Variants in DNAH3 observed in about 807,000 individuals in gnomAD.
DNAH3 encodes the protein dynein axonemal heavy chain 3.
In DNAH3, 332 loss-of-function variants were observed where a neutral mutation model predicts 432.5. The ratio of observed to expected loss-of-function variants is 0.77; its 90% CI spans 0.70 to 0.84. DNAH3 has a LOEUF of 0.84. Among genes scored for constraint, DNAH3 ranks in the 40% least tolerant of loss-of-function variants. DNAH3 has a pLI of 0.00. For missense variants in DNAH3, 4,861 were observed against 5,114.0 expected (o/e 0.95, Z 1.51); for synonymous variants, 1,956 against 1,900.2 (o/e 1.03, Z -0.76).
At chr16:21,084,944 C>G (rs2091313317) in intron 19 of DNAH3, among the ~76,000 whole-genome samples, 1 of 152,112 alleles carries the variant, frequency 6.6e-6, no homozygotes, top group Admixed American at 6.6e-5. Context: ...GCCACCTGTC[C>G]CACCTAAGCT....
chr16:21,074,787 C>T (rs893721808), intron 21 of DNAH3, among the ~76,000 whole-genome samples: 2 of 152,098 alleles, frequency 1.3e-5, no homozygotes, highest in East Asian at 1.9e-4. Flanking sequence ...TGATTTACAG[C>T]TCCCCAAGAG....
chr16:20,965,799 G>C (rs970079575), intron 52 of DNAH3, among the ~76,000 whole-genome samples: 9 of 151,978 alleles, frequency 5.9e-5, no homozygotes, highest in Non-Finnish European at 1.2e-4. Flanking sequence ...TGCAACCTTC[G>C]CCTCCTGGGT....
intron 61 of DNAH3, 23 bp downstream of exon 61, chr16:20,935,325 A>T (rs200873232): frequency 6.2e-7 from 1 of 1,613,546 alleles, no homozygotes; most frequent in Non-Finnish European, 8.5e-7. Context: ...CCCTTGAGTG[A>T]GCCTAACCCA....
In DNAH3 at chr16:21,040,366, T is replaced by C. The variant is rs1418158168; in HGVS notation, c.4639-423A>G. On this transcript the variant is annotated intron_variant, in intron 32 of 61. Transcript: ENST00000261383. ...ATCCCAAAGCCAGACAGATTTTTTT[T>C]TTTTTTTTTTTTTTTTTTTTAAGAC... Among the ~76,000 whole-genome samples, 105 of 137,508 alleles carry C rather than the reference T, an allele frequency of 7.6e-4. 5 individuals are homozygous for C. The highest frequency in any genetic ancestry group is 2.7e-3 in the African/African-American group (92 of 34,716). The allele number at this position is 137,508 out of a possible 152,430, so 90.2% of individuals were successfully genotyped here. A position where few individuals can be genotyped will look rare whatever the true frequency, so the allele number is the denominator to read the frequency against.
intron 26 of DNAH3, 23 bp downstream of exon 26, chr16:21,060,241 T>A: frequency 6.3e-7 from 1 of 1,589,074 alleles, no homozygotes; most frequent in Non-Finnish European, 8.6e-7. Context: ...TGTCCTGGCA[T>A]GTGTACCCCG....
rs752793147 is a variant in DNAH3, at chr16:20,987,414, T to C, written c.6917A>G (p.Glu2306Gly). The change falls in exon 47 of 62, where the codon GAG (glutamate) becomes GGG (glycine). Residue 2306 changes from glutamate (E) to glycine (G), a missense_variant. Glu to Gly is a moderately conservative substitution (Grantham distance 98). Coordinates refer to ENST00000261383, the Ensembl canonical transcript of DNAH3. Reference sequence around the variant, plus strand: ...ACGATCATAGAAGACCCGATAAACCTCATGGATCCAAAGCCGGATACATTT... The same window carrying C: ...ACGATCATAGAAGACCCGATAAACCCCATGGATCCAAAGCCGGATACATTT... The C allele has an allele frequency of 3.1e-6, 5 of 1,614,124 alleles. No individual in the cohort carries two copies. The Admixed American group carries it at 6.7e-5, about 22-fold the overall frequency.
intron 54 of DNAH3, among the ~76,000 whole-genome samples, chr16:20,955,555 A>G (rs12928684): frequency 0.075 from 11,358 of 151,516 alleles, 555 homozygotes; most frequent in East Asian, 0.17. Flanking sequence ...CCACCTCACC[A>G]TCCCACAGTG....
In DNAH3 at chr16:20,936,795, C is replaced by A. The variant is rs1167507996; in HGVS notation, c.11713G>T (p.Val3905Phe). 3.1e-6 allele frequency: 5 copies of A among 1,613,722 alleles called. No homozygotes were observed. The Admixed American group carries it at 8.3e-5, about 27-fold the overall frequency. Reference sequence around the variant, plus strand: ...TCCTCTAGCTCCGAGGACATCAGGACCTGTCCTTTGATGGCTCGGCCAAGA... The same window carrying A: ...TCCTCTAGCTCCGAGGACATCAGGAACTGTCCTTTGATGGCTCGGCCAAGA... The change falls in exon 60 of 62, where the codon GTC becomes TTC. Residue 3905 changes from valine (V) to phenylalanine (F), a missense_variant. Val to Phe is a conservative substitution (Grantham distance 50). Transcript: ENST00000261383.
chr16:21,037,948 A>G (rs1220049295), exon 34 of DNAH3: 1 of 1,614,182 alleles, frequency 6.2e-7, no homozygotes, highest in Non-Finnish European at 8.5e-7. Flanking sequence ...TTCCGAGCAC[A>G]GGCGGTAGGT....
Position 21,067,268 on chromosome 16 carries a change from A to C in DNAH3, c.3518+15T>G, listed in dbSNP as rs376675682. 3.9e-5 allele frequency: 63 copies of C among 1,613,686 alleles called. No individual in the cohort carries two copies. In the African/African-American group the frequency reaches 7.2e-4, roughly 18 times the overall value. On this transcript the variant is annotated intron_variant, in intron 24 of 61. Coordinates refer to ENST00000261383, the Ensembl canonical transcript of DNAH3. Reference sequence around the variant, plus strand: ...GCAAGAATGTAATTCCAAATAAAAGAACAATGCTGGATACCTGGGGAAGAA... The same window carrying C: ...GCAAGAATGTAATTCCAAATAAAAGCACAATGCTGGATACCTGGGGAAGAA...
At chr16:21,036,226 T>C (rs2152727972) in intron 35 of DNAH3, among the ~76,000 whole-genome samples, 1 of 152,156 alleles carries the variant, frequency 6.6e-6, no homozygotes, top group Non-Finnish European at 1.5e-5. Flanking sequence ...CCCAGGAGGC[T>C]GAGGCAGGAG....
In DNAH3 at chr16:21,037,763, G is replaced by A. The variant is rs755876634; in HGVS notation, c.4948C>T (p.Gln1650Ter). 7 of 1,613,934 alleles carry A rather than the reference G, an allele frequency of 4.3e-6. No individual in the cohort carries two copies. Among genetic ancestry groups the A allele is most frequent in the Non-Finnish European group, 5.9e-6 (7 of 1,179,970 alleles). The change falls in exon 34 of 62, where the codon CAG becomes TAG. Residue 1650 changes from glutamine (Q) to a stop codon, truncating the protein, a stop_gained and splice_region_variant. Transcript: ENST00000261383. LOFTEE classifies it high-confidence loss of function. The stretch of plus-strand genomic sequence containing the variant: ...CAAGGTCCTGAACCGCTACATACCT[G>A]AAACAGAGGGACATCTTGCGCTAAG...
chr16:21,113,172 T>C lies in DNAH3; in HGVS notation c.1815-1074A>G, dbSNP rs187055973. On this transcript the variant is annotated intron_variant, in intron 12 of 61. Transcript: ENST00000261383. ...GGCAAAATGATATGGTTTGGCTGTG[T>C]CTCCACCAAATCTCAACTTGAATTG... is the stretch of plus-strand genomic sequence containing the variant. Among the ~76,000 whole-genome samples, 877 of 152,244 alleles carry C rather than the reference T, an allele frequency of 5.8e-3. 15 individuals are homozygous for C. The highest frequency in any genetic ancestry group is 0.02 in the African/African-American group (836 of 41,522).
At chr16:21,154,108 A>G (rs1485773105) in intron 1 of DNAH3, among the ~76,000 whole-genome samples, 1 of 152,206 alleles carries the variant, frequency 6.6e-6, no homozygotes, top group Non-Finnish European at 1.5e-5. Flanking sequence ...CAATGAAGTG[A>G]AAAATTAGAA....
At chr16:20,961,722 ACTTT>A (rs923824484) in intron 53 of DNAH3, among the ~76,000 whole-genome samples, 4 of 150,226 alleles carry the variant, frequency 2.7e-5, no homozygotes, top group Admixed American at 6.6e-5. Context: ...TTGATTTCAA[ACTTT>A]CTTTAAGAAT....
intron 24 of DNAH3, among the ~76,000 whole-genome samples, chr16:21,063,930 C>T (rs2090451398): frequency 6.6e-6 from 1 of 152,150 alleles, no homozygotes; most frequent in African/African-American, 2.4e-5. Context: ...CAGAAAATGT[C>T]CAATATTCAA....
At chr16:21,084,929 C>A (rs2152777685) in intron 19 of DNAH3, among the ~76,000 whole-genome samples, 1 of 152,304 alleles carries the variant, frequency 6.6e-6, no homozygotes, top group Non-Finnish European at 1.5e-5. Flanking sequence ...CTGGCACTAC[C>A]AGAGGCCACC....
intron 41 of DNAH3, among the ~76,000 whole-genome samples, chr16:21,011,168 A>G (rs887992425): frequency 6.6e-6 from 1 of 152,126 alleles, no homozygotes; most frequent in Non-Finnish European, 1.5e-5. Flanking sequence ...GGTCACCACA[A>G]AGTGATCTGA....
chr16:21,108,009 C>T (rs1044346563), intron 14 of DNAH3, among the ~76,000 whole-genome samples: 1 of 151,872 alleles, frequency 6.6e-6, no homozygotes, highest in Non-Finnish European at 1.5e-5. Flanking sequence ...GGATTACAGG[C>T]ACCGCCCCCA....
Sources: gnomAD v4.1 joint callset for allele counts (sites outside exome capture counted in the v4.1 genomes callset) on GRCh38, gnomAD v4.1.1 for gene constraint, MANE v1.5 for transcripts, NCBI Gene and HGNC (gene_info 2026-07-23, HGNC 2026-07-21) for gene names.